The following SHTN1 variants were observed in gnomAD, a reference collection of about 807,000 sequenced individuals.
SHTN1 encodes shootin-1.
Under a neutral mutation model 83.1 loss-of-function variants are expected in SHTN1, and 42 were observed. That is an observed-to-expected ratio of 0.51 (90% confidence interval 0.39 to 0.65). The LOEUF is 0.65. Among genes scored for constraint, SHTN1 ranks in the 30% least tolerant of loss-of-function variants. The probability of loss-of-function intolerance (pLI) is 0.00; values close to 1 mark genes in which losing one functional copy is unlikely to be tolerated. For missense variants in SHTN1, 622 were observed against 737.8 expected (o/e 0.84, Z 1.82); for synonymous variants, 224 against 247.7 (o/e 0.90, Z 0.90).
chr10:116,990,342 T>C (rs1237070494), intron 1 of SHTN1, among the ~76,000 whole-genome samples: 2 of 142,258 alleles, frequency 1.4e-5, no homozygotes, highest in African/African-American at 5.2e-5. Flanking sequence ...CGTAAGAAGA[T>C]TCTCCTTCCA....
chr10:117,067,353 G>A (rs1008352225), intron 1 of SHTN1, among the ~76,000 whole-genome samples: 1 of 152,212 alleles, frequency 6.6e-6, no homozygotes, highest in African/African-American at 2.4e-5. Flanking sequence ...CACTTTGGGA[G>A]GCTAAAGCAG....
chr10:116,900,631 C>A, intron 16 of SHTN1: 1 of 1,520,852 alleles, frequency 6.6e-7, no homozygotes, highest in South Asian at 1.2e-5. Context: ...GCTTTTGTGT[C>A]TGGATATTGG....
intron 1 of SHTN1, among the ~76,000 whole-genome samples, chr10:117,004,242 T>A (rs948795829): frequency 9.9e-5 from 15 of 152,124 alleles, no homozygotes; most frequent in African/African-American, 3.1e-4. Context: ...AGGGTAATAA[T>A]GATAAGTGTT....
At position 116,886,181 on chromosome 10, in the gene SHTN1, C is replaced by T; in HGVS notation, c.*163G>A. 1 of 997,676 alleles carries T rather than the reference C, an allele frequency of 1.0e-6. No homozygotes were observed. The highest frequency in any genetic ancestry group is 1.4e-6 in the Non-Finnish European group (1 of 695,772). 61.8% of individuals were successfully genotyped at this position (997,676 alleles called of 1,614,324 possible). A position where few individuals can be genotyped will look rare whatever the true frequency, so the allele number is the denominator to read the frequency against. The stretch of plus-strand genomic sequence containing the variant: ...AATGTGTGTTTTGCTAAACAGCTTA[C>T]TTATGTTTATAGTTGCTACTTACAA... On this transcript the variant is annotated 3_prime_UTR_variant, in exon 17 of 17. Transcript: ENST00000355371.
At chr10:116,901,479 C>T (rs2429364) in intron 16 of SHTN1, 976,215 of 985,194 alleles carry the variant, frequency 0.99, 484,247 homozygotes, top group East Asian at 1. Context: ...TGTCTCCTGA[C>T]GCAGAGTCTG....
At chr10:116,941,483 G>C (rs541618413) in intron 8 of SHTN1, among the ~76,000 whole-genome samples, 24 of 152,302 alleles carry the variant, frequency 1.6e-4, no homozygotes, top group Non-Finnish European at 2.9e-4. Context: ...TTTGGCCAGT[G>C]AGTGATTCCA....
chr10:116,918,159 A>C (rs1848438799), intron 12 of SHTN1, among the ~76,000 whole-genome samples: 1 of 152,218 alleles, frequency 6.6e-6, no homozygotes, highest in African/African-American at 2.4e-5. Flanking sequence ...GATTAAAGAA[A>C]AGGGACAAAT....
intron 1 of SHTN1, among the ~76,000 whole-genome samples, chr10:117,056,026 T>G (rs4751616): frequency 0.91 from 138,128 of 152,192 alleles, 63,437 homozygotes; most frequent in Non-Finnish European, 0.98. Flanking sequence ...TTAACTGAGA[T>G]GAAACAGACA....
intron 10 of SHTN1, among the ~76,000 whole-genome samples, chr10:116,928,864 G>C (rs976236597): frequency 6.6e-6 from 1 of 152,156 alleles, no homozygotes; most frequent in East Asian, 1.9e-4. Flanking sequence ...TCCTAGGATA[G>C]GGCTGGGTAC....
intron 1 of SHTN1, among the ~76,000 whole-genome samples, chr10:117,003,917 G>T (rs1044821737): frequency 2.6e-5 from 4 of 151,312 alleles, no homozygotes; most frequent in African/African-American, 9.7e-5. Context: ...TTTTGGAGAT[G>T]GAGTTTCGTT....
rs552066045 is a variant in SHTN1 at position 116,882,945 on chromosome 10, G to C, written c.*3399C>G. 2.0e-5 allele frequency: 3 copies of C among 149,048 alleles called. No individual in the cohort carries two copies. The highest frequency in any genetic ancestry group is 3.9e-4 in the East Asian group (2 of 5,076). The allele number at this position is 149,048 out of a possible 1,614,324, so 9.2% of individuals were successfully genotyped here. On this transcript the variant is annotated 3_prime_UTR_variant, in exon 17 of 17. Coordinates refer to ENST00000355371, the MANE Select transcript of SHTN1 (RefSeq NM_001127211.3). ...TTGAAAGGCAGAACAAACATGACTG[G>C]GTGTTCACATACCCTTTGAAAAATA...
chr10:117,074,339 A>T (rs1853124858), intron 1 of SHTN1, among the ~76,000 whole-genome samples: 1 of 152,166 alleles, frequency 6.6e-6, no homozygotes, highest in Admixed American at 6.5e-5. Flanking sequence ...ATTCATAGCC[A>T]TAGCACCTCC....
rs1183621013 is a variant in SHTN1 at position 116,882,390 on chromosome 10, G to GC, written c.*3953dup. The GC allele has an allele frequency of 7.6e-6, 1 of 131,936 alleles. No homozygotes were observed. Among genetic ancestry groups the GC allele is most frequent in the African/African-American group, 2.9e-5 (1 of 34,064 alleles). 8.2% of individuals were successfully genotyped at this position (131,936 alleles called of 1,614,324 possible). On this transcript the variant is annotated 3_prime_UTR_variant, in exon 17 of 17. Coordinates refer to ENST00000355371, the MANE Select transcript of SHTN1 (RefSeq NM_001127211.3). ...TACCACAGCATTTAAAAAGCAATCC[G>GC]CAAGTGATAAAAAAAAAAAAAAAAA...
intron 11 of SHTN1, among the ~76,000 whole-genome samples, chr10:116,927,275 T>G (rs1032424142): frequency 6.6e-6 from 1 of 152,210 alleles, no homozygotes. Context: ...CTTAATGTTA[T>G]TGAATGAAAT....
intron 2 of SHTN1, among the ~76,000 whole-genome samples, chr10:116,978,849 C>T (rs1004559255): frequency 6.6e-6 from 1 of 152,160 alleles, no homozygotes; most frequent in Non-Finnish European, 1.5e-5. Flanking sequence ...TGGGGCGAAA[C>T]ACCAATGACT....
At chr10:116,972,557 C>T (rs940674475) in intron 2 of SHTN1, among the ~76,000 whole-genome samples, 4 of 152,214 alleles carry the variant, frequency 2.6e-5, no homozygotes, top group South Asian at 4.1e-4. Flanking sequence ...GCCAGGATAA[C>T]GGGCCTTTTT....
At chr10:117,011,866 C>T (rs994153113) in intron 2 of SHTN1, among the ~76,000 whole-genome samples, 10 of 151,946 alleles carry the variant, frequency 6.6e-5, no homozygotes, top group African/African-American at 1.9e-4. Context: ...TCAGGCGGGG[C>T]GCGGTGGCTC....
At position 116,945,024 on chromosome 10, in the gene SHTN1, G is replaced by T; in HGVS notation, c.617-6C>A. 6.7e-7 allele frequency: 1 copy of T among 1,494,080 alleles called. No homozygotes were observed. The highest frequency in any genetic ancestry group is 9.2e-7 in the Non-Finnish European group (1 of 1,090,800). 92.6% of individuals were successfully genotyped at this position (1,494,080 alleles called of 1,614,324 possible). ...TTCTACAGCTAACATGGACACTTAA[G>T]AAGATAAAGGAAAAAAAAAACCCAG... is the stretch of plus-strand genomic sequence containing the variant. On this transcript the variant is annotated splice_polypyrimidine_tract_variant and splice_region_variant and intron_variant, in intron 7 of 16. Coordinates refer to ENST00000355371, the MANE Select transcript of SHTN1 (RefSeq NM_001127211.3).
chr10:116,938,439 T>C (rs1849250286), intron 9 of SHTN1, among the ~76,000 whole-genome samples: 1 of 152,204 alleles, frequency 6.6e-6, no homozygotes, highest in South Asian at 2.1e-4. Context: ...GCAGGTCTGC[T>C]GGAGTTTGCT....
Sources: gnomAD v4.1 joint callset for allele counts (sites outside exome capture counted in the v4.1 genomes callset) on GRCh38, gnomAD v4.1.1 for gene constraint, MANE v1.5 for transcripts, NCBI Gene and HGNC (gene_info 2026-07-23, HGNC 2026-07-21) for gene names.